KCNH8: variants seen among roughly 807,000 people sequenced by gnomAD.
The protein encoded by KCNH8 is voltage-gated delayed rectifier potassium channel KCNH8.
In KCNH8, 70 loss-of-function variants were observed where a neutral mutation model predicts 103.6. The observed-to-expected ratio is 0.68, with a 90% confidence interval of 0.56 to 0.82. The LOEUF (loss-of-function observed/expected upper bound fraction) is 0.82. Among genes scored for constraint, KCNH8 ranks in the 40% least tolerant of loss-of-function variants. The pLI is 0.00. For missense variants in KCNH8, 1,217 were observed against 1,329.9 expected (o/e 0.92, Z 1.32); for synonymous variants, 498 against 489.4 (o/e 1.02, Z -0.23).
At chr3:19,511,971 A>G (rs964781282) in intron 12 of KCNH8, among the ~76,000 whole-genome samples, 3 of 152,180 alleles carry the variant, frequency 2.0e-5, no homozygotes, top group African/African-American at 7.2e-5. Flanking sequence ...ACAACTATTC[A>G]TTTAAGTCAA....
chr3:19,492,360 C>T lies in KCNH8; in HGVS notation c.2041-18003C>T, dbSNP rs564923095. Among the ~76,000 whole-genome samples, 15 of 152,194 alleles carry T rather than the reference C, an allele frequency of 9.9e-5. No individual in the cohort carries two copies. In the East Asian group the frequency reaches 2.7e-3, roughly 27 times the overall value. On this transcript the variant is annotated intron_variant, in intron 11 of 15. Coordinates refer to ENST00000328405, the MANE Select transcript of KCNH8 (RefSeq NM_144633.3). ...TTGAGTTAATTTTTGTATGTGGTGA[C>T]AGATAGGAGTCTAGTTTCATTCTTA...
intron 11 of KCNH8, among the ~76,000 whole-genome samples, chr3:19,470,358 TC>T (rs2067829854): frequency 6.6e-6 from 1 of 152,240 alleles, no homozygotes; most frequent in Admixed American, 6.5e-5. Context: ...TTCTTACTTT[TC>T]CTTTTCTCTG....
At chr3:19,268,363 G>A (rs7636529) in intron 2 of KCNH8, among the ~76,000 whole-genome samples, 6,783 of 152,138 alleles carry the variant, frequency 0.045, 490 homozygotes, top group African/African-American at 0.15. Flanking sequence ...AAGAATGAAA[G>A]CATTCTAGTC....
At chr3:19,190,687 T>G (rs918281570) in intron 1 of KCNH8, among the ~76,000 whole-genome samples, 10 of 151,916 alleles carry the variant, frequency 6.6e-5, no homozygotes, top group Non-Finnish European at 1.3e-4. Flanking sequence ...GGAAATGAGC[T>G]AATTTACTGA....
At chr3:19,210,537 A>T (rs745400944) in intron 1 of KCNH8, among the ~76,000 whole-genome samples, 16 of 151,908 alleles carry the variant, frequency 1.1e-4, no homozygotes, top group South Asian at 4.1e-4. Context: ...CTTCTTGTGC[A>T]TCACACTTCC....
At chr3:19,422,897 A>G (rs2066972162) in intron 7 of KCNH8, among the ~76,000 whole-genome samples, 1 of 152,136 alleles carries the variant, frequency 6.6e-6, no homozygotes, top group South Asian at 2.1e-4. Flanking sequence ...AGTAATTGAA[A>G]TGAAAAACGG....
In KCNH8 at chr3:19,364,086, C is replaced by T. The variant is rs147934237; in HGVS notation, c.811+16121C>T. Reference sequence around the variant, plus strand: ...TCTTAGTGTTTGGCTCCCTCTCTCCCTTCCTCTCTTCCTCTTTAAATCTCA... The same window carrying T: ...TCTTAGTGTTTGGCTCCCTCTCTCCTTTCCTCTCTTCCTCTTTAAATCTCA... On this transcript the variant is annotated intron_variant, in intron 5 of 15. Coordinates refer to ENST00000328405, the MANE Select transcript of KCNH8 (RefSeq NM_144633.3). 3.7e-3 allele frequency among the ~76,000 whole-genome samples: 560 copies of T among 152,132 alleles called. 6 individuals carry two copies. The highest frequency in any genetic ancestry group is 0.013 in the African/African-American group (528 of 41,516).
At chr3:19,362,902 T>G (rs1325475432) in intron 5 of KCNH8, among the ~76,000 whole-genome samples, 1 of 152,170 alleles carries the variant, frequency 6.6e-6, no homozygotes, top group East Asian at 1.9e-4. Context: ...TCCTCCCCCC[T>G]TAGCCTCCCA....
At chr3:19,269,050 G>C (rs2125264781) in intron 2 of KCNH8, among the ~76,000 whole-genome samples, 1 of 152,220 alleles carries the variant, frequency 6.6e-6, no homozygotes, top group South Asian at 2.1e-4. Context: ...TTTGAGATTA[G>C]AGAAGATGAA....
chr3:19,438,986 G>C (rs1351334460), intron 8 of KCNH8, among the ~76,000 whole-genome samples: 3 of 152,178 alleles, frequency 2.0e-5, no homozygotes, highest in Non-Finnish European at 4.4e-5. Flanking sequence ...GTAAGATCCA[G>C]CAGTACTTCT....
At chr3:19,349,718 G>A (rs2065774101) in intron 5 of KCNH8, among the ~76,000 whole-genome samples, 1 of 152,056 alleles carries the variant, frequency 6.6e-6, no homozygotes, top group Admixed American at 6.6e-5. Flanking sequence ...CTTTGACGGA[G>A]ATATTTTAAA....
intron 8 of KCNH8, among the ~76,000 whole-genome samples, chr3:19,441,749 A>C (rs1199530653): frequency 2.0e-5 from 3 of 152,188 alleles, no homozygotes; most frequent in Non-Finnish European, 4.4e-5. Context: ...ATGTCCTCTT[A>C]ATGACCTTAA....
intron 11 of KCNH8, among the ~76,000 whole-genome samples, chr3:19,495,905 G>A (rs1163504558): frequency 6.6e-6 from 1 of 152,004 alleles, no homozygotes. Flanking sequence ...TCATTGTAGA[G>A]ATCTTTCACC....
chr3:19,223,816 A>G (rs986723384), intron 1 of KCNH8, among the ~76,000 whole-genome samples: 1 of 152,206 alleles, frequency 6.6e-6, no homozygotes, highest in Non-Finnish European at 1.5e-5. Flanking sequence ...TTGGGGGGGA[A>G]ATTTAAAAAG....
chr3:19,211,322 A>C (rs373039862), intron 1 of KCNH8, among the ~76,000 whole-genome samples: 2 of 152,324 alleles, frequency 1.3e-5, no homozygotes, highest in African/African-American at 4.8e-5. Context: ...TTTTGATTTA[A>C]AAGATGGAGA....
chr3:19,390,454 T>G, intron 5 of KCNH8, 27 bp from the exon 6 acceptor site: 1 of 1,572,398 alleles, frequency 6.4e-7, no homozygotes, highest in Admixed American at 1.7e-5. Flanking sequence ...CTTCCTTTTA[T>G]TTCTCAACCT....
chr3:19,505,310 G>A (rs1258386126), intron 11 of KCNH8, among the ~76,000 whole-genome samples: 1 of 152,042 alleles, frequency 6.6e-6, no homozygotes, highest in Non-Finnish European at 1.5e-5. Flanking sequence ...ACCAGAGGGT[G>A]AAGGGTTGGA....
intron 5 of KCNH8, among the ~76,000 whole-genome samples, chr3:19,360,459 C>A (rs1359277516): frequency 6.6e-6 from 1 of 151,962 alleles, no homozygotes; most frequent in Non-Finnish European, 1.5e-5. Flanking sequence ...TACTCATATT[C>A]TTTTGTATAT....
chr3:19,327,751 G>C (rs1338592762), intron 3 of KCNH8, among the ~76,000 whole-genome samples: 2 of 152,124 alleles, frequency 1.3e-5, no homozygotes, highest in Non-Finnish European at 2.9e-5. Context: ...TTCTAATTCA[G>C]TATGCCTAGT....
Sources: allele counts gnomAD v4.1 joint callset (sites outside exome capture counted in the v4.1 genomes callset), GRCh38; gene constraint gnomAD v4.1.1; transcripts MANE v1.5; gene names NCBI Gene and HGNC (gene_info 2026-07-23, HGNC 2026-07-21).